SNTB1: variants seen among roughly 807,000 people sequenced by gnomAD.
SNTB1 encodes beta-1-syntrophin.
SNTB1 carries 36 observed loss-of-function variants against 48.9 expected under a neutral mutation model. The ratio of observed to expected loss-of-function variants is 0.74; its 90% confidence interval spans 0.56 to 0.97. The LOEUF is 0.97. SNTB1 is among the 50% of genes least tolerant of loss of function. The probability of loss-of-function intolerance (pLI) is 0.00; values close to 1 mark genes in which losing one functional copy is unlikely to be tolerated. For missense variants in SNTB1, 786 were observed against 703.4 expected (o/e 1.12, Z -1.33); for synonymous variants, 299 against 294.6 (o/e 1.01, Z -0.15).
chr8:120,681,474 C>T (rs541972991), intron 2 of SNTB1, among the ~76,000 whole-genome samples: 38 of 152,288 alleles, frequency 2.5e-4, no homozygotes, highest in African/African-American at 7.5e-4. Context: ...CTCTGCACAA[C>T]CTGCATGGGC....
At chr8:120,572,963 G>C (rs1815883154) in intron 4 of SNTB1, among the ~76,000 whole-genome samples, 1 of 152,080 alleles carries the variant, frequency 6.6e-6, no homozygotes, top group South Asian at 2.1e-4. Flanking sequence ...CTTGGTTGCT[G>C]TGAATAATGT....
chr8:120,686,375 C>A (rs1366577146), intron 2 of SNTB1, among the ~76,000 whole-genome samples: 1 of 152,130 alleles, frequency 6.6e-6, no homozygotes, highest in African/African-American at 2.4e-5. Context: ...GATTAAGGCA[C>A]CACAGATTTG....
intron 2 of SNTB1, among the ~76,000 whole-genome samples, chr8:120,636,275 G>A (rs1352734071): frequency 6.7e-6 from 1 of 149,560 alleles, no homozygotes; most frequent in Non-Finnish European, 1.5e-5. Context: ...AAGTTTTAGG[G>A]TACATGTACA....
At chr8:120,649,246 C>A (rs1563841534) in intron 2 of SNTB1, among the ~76,000 whole-genome samples, 2 of 151,744 alleles carry the variant, frequency 1.3e-5, no homozygotes, top group Non-Finnish European at 2.9e-5. Flanking sequence ...AGGCGCTCTG[C>A]TTTTTAGAGT....
chr8:120,546,011 T>C (rs1433434196), intron 5 of SNTB1, among the ~76,000 whole-genome samples: 1 of 152,152 alleles, frequency 6.6e-6, no homozygotes, highest in Non-Finnish European at 1.5e-5. Flanking sequence ...ATGAAAGAAA[T>C]AGAACTGGAA....
At chr8:120,762,779 T>C (rs1314551282) in intron 1 of SNTB1, among the ~76,000 whole-genome samples, 1 of 152,164 alleles carries the variant, frequency 6.6e-6, no homozygotes, top group Non-Finnish European at 1.5e-5. Flanking sequence ...AGTACAGTGT[T>C]TAGTAGACAG....
chr8:120,647,531 T>G (rs1342762845), intron 2 of SNTB1, among the ~76,000 whole-genome samples: 6 of 149,064 alleles, frequency 4.0e-5, no homozygotes, highest in Admixed American at 2.7e-4. Flanking sequence ...GTCTGAGAGA[T>G]AGTTTGTTAT....
chr8:120,590,685 CTTTT>C (rs1255676747), intron 3 of SNTB1, among the ~76,000 whole-genome samples: 1 of 99,942 alleles, frequency 1.0e-5, no homozygotes, highest in Non-Finnish European at 1.9e-5. Context: ...CTTTTCTTTT[CTTTT>C]TTTTTTTTTT....
intron 4 of SNTB1, among the ~76,000 whole-genome samples, chr8:120,557,033 A>G (rs1468452895): frequency 6.6e-6 from 1 of 152,182 alleles, no homozygotes; most frequent in East Asian, 1.9e-4. Context: ...TCTACTGCAA[A>G]GGAGAGGAAG....
intron 2 of SNTB1, among the ~76,000 whole-genome samples, chr8:120,638,573 C>T (rs1251145509): frequency 3.3e-5 from 5 of 152,072 alleles, no homozygotes; most frequent in African/African-American, 4.8e-5. Flanking sequence ...CACCCCACGA[C>T]AGGCCCCGGT....
chr8:120,599,152 G>A (rs548296433), intron 3 of SNTB1, among the ~76,000 whole-genome samples: 7 of 152,150 alleles, frequency 4.6e-5, no homozygotes, highest in Admixed American at 6.5e-5. Context: ...TATATAAGGC[G>A]GCCAGGAAAG....
rs115223324 is a variant in SNTB1, at chr8:120,568,262, G to A, written c.1136+6824C>T. Among the ~76,000 whole-genome samples, 339 of 152,240 alleles carry A rather than the reference G, an allele frequency of 2.2e-3. 2 individuals carry two copies. Among genetic ancestry groups the A allele is most frequent in the African/African-American group, 7.8e-3 (326 of 41,554 alleles). ...AGATAAGAGTTTCTATTTCAGCTGG[G>A]GTGGACCCTGCCTCCTACTGCAATT... On this transcript the variant is annotated intron_variant, in intron 4 of 6. Coordinates refer to ENST00000517992, the MANE Select transcript of SNTB1 (RefSeq NM_021021.4).
intron 3 of SNTB1, among the ~76,000 whole-genome samples, chr8:120,578,581 A>T (rs973901954): frequency 6.6e-6 from 1 of 152,180 alleles, no homozygotes; most frequent in Non-Finnish European, 1.5e-5. Context: ...AACTGATCAG[A>T]TTTCTAATGA....
At chr8:120,787,213 T>TA (rs1198225987) in intron 1 of SNTB1, among the ~76,000 whole-genome samples, 1 of 151,752 alleles carries the variant, frequency 6.6e-6, no homozygotes, top group Non-Finnish European at 1.5e-5. Flanking sequence ...AAATAATTTT[T>TA]AAAAAAAGTT....
chr8:120,763,106 T>C, intron 1 of SNTB1, among the ~76,000 whole-genome samples: 1 of 152,308 alleles, frequency 6.6e-6, no homozygotes, highest in South Asian at 2.1e-4. Flanking sequence ...CTTCTTCCTC[T>C]AGAACAATTT....
intron 5 of SNTB1, among the ~76,000 whole-genome samples, chr8:120,546,190 T>C (rs1382173510): frequency 6.6e-6 from 1 of 152,200 alleles, no homozygotes; most frequent in Non-Finnish European, 1.5e-5. Flanking sequence ...AAGACTTTTG[T>C]TGAGGGTACT....
intron 3 of SNTB1, among the ~76,000 whole-genome samples, chr8:120,604,359 T>C (rs10111936): frequency 0.96 from 145,971 of 152,220 alleles, 70,112 homozygotes; most frequent in African/African-American, 0.99. Context: ...AGCTAAGTGG[T>C]CCACTCTTGC....
At chr8:120,771,048 A>G (rs1307707836) in intron 1 of SNTB1, among the ~76,000 whole-genome samples, 2 of 152,140 alleles carry the variant, frequency 1.3e-5, no homozygotes, top group Non-Finnish European at 2.9e-5. Flanking sequence ...TTGGTCACTC[A>G]ATGGAAGGGT....
chr8:120,586,865 G>C (rs1299769680), intron 3 of SNTB1, among the ~76,000 whole-genome samples: 1 of 152,170 alleles, frequency 6.6e-6, no homozygotes, highest in Non-Finnish European at 1.5e-5. Flanking sequence ...AGATAAAATA[G>C]TGACAATTGT....
Sources: allele counts gnomAD v4.1 joint callset (sites outside exome capture counted in the v4.1 genomes callset), GRCh38; gene constraint gnomAD v4.1.1; transcripts MANE v1.5; gene names NCBI Gene and HGNC (gene_info 2026-07-23, HGNC 2026-07-21).